The following ITIH6 variants were observed in gnomAD, a reference collection of about 807,000 sequenced individuals.
ITIH6 encodes the protein inter-alpha-trypsin inhibitor heavy chain H6.
ITIH6 carries 60 observed loss-of-function variants against 58.2 expected under a neutral mutation model. The ratio of observed to expected loss-of-function variants is 1.03; its 90% confidence interval spans 0.84 to 1.28. ITIH6 has a LOEUF of 1.28. Among genes scored for constraint, ITIH6 ranks in the 50% most tolerant of loss-of-function variants. The probability of loss-of-function intolerance (pLI) is 0.00; values close to 1 mark genes in which losing one functional copy is unlikely to be tolerated. For synonymous variants in ITIH6, 493 were observed against 417.4 expected, an observed-to-expected ratio of 1.18 and a Z score of -2.21; for missense variants, 1,290 against 1,021.1, an observed-to-expected ratio of 1.26 and a Z score of -3.59.
intron 6 of ITIH6, 22 bp downstream of exon 6, chrX:54,774,059 A>C (rs1484428221): frequency 1.0e-6 from 1 of 990,728 alleles, no homozygotes; most frequent in Admixed American, 2.6e-5. Context: ...GGACTAAGAA[A>C]GGTTTCCAGG....
intron 6 of ITIH6, among the ~76,000 whole-genome samples, chrX:54,763,009 G>T (rs1262638896): frequency 8.9e-6 from 1 of 112,126 alleles, no homozygotes; most frequent in East Asian, 2.8e-4. Flanking sequence ...ACTCAGAGAG[G>T]TGGGTGCTTG....
chrX:54,759,506 C>A (rs1174657739), intron 7 of ITIH6, among the ~76,000 whole-genome samples: 1 of 112,105 alleles, frequency 8.9e-6, no homozygotes, highest in African/African-American at 3.2e-5. Context: ...CAAGTGTTTG[C>A]TTTAAAGAAG....
At chrX:54,768,248 A>AT (rs1216412465) in intron 6 of ITIH6, among the ~76,000 whole-genome samples, 2 of 48,882 alleles carry the variant, frequency 4.1e-5, no homozygotes, top group African/African-American at 2.1e-4. Context: ...TGCTTGGTAG[A>AT]TCTTCCTCCA....
chrX:54,797,157 A>G, intron 1 of ITIH6, 61 bp from the exon 2 acceptor site: 9 of 1,033,500 alleles, frequency 8.7e-6, no homozygotes, highest in Non-Finnish European at 1.3e-6. Context: ...TAGATGGGCT[A>G]GTCTTTGGGA....
At chrX:54,752,117 A>G (rs1928375484) in intron 11 of ITIH6, among the ~76,000 whole-genome samples, 1 of 111,695 alleles carries the variant, frequency 9.0e-6, no homozygotes, top group Non-Finnish European at 1.9e-5. Flanking sequence ...CAAAATATGT[A>G]CACCATGGTG....
rs756326032 is a variant in ITIH6 at position 54,749,903 on chromosome X, C to T, written c.3934G>A (p.Val1312Ile). ...LLLGHPYLSY[V>I]L ...CTGGAATTCAGAAGCCATCACAGGA[C>T]ATAGGAGAGGTAGGGGTGGCCCAGA... Residue 1312 changes from valine (V) to isoleucine (I), a missense_variant, in exon 13 of 13, where the codon GTC becomes ATC. Val to Ile is a conservative substitution (Grantham distance 29). Transcript: ENST00000218436. The T allele has an allele frequency of 1.3e-5, 16 of 1,207,276 alleles. No individual in the cohort carries two copies. In the South Asian group the frequency reaches 1.4e-4, roughly 11 times the overall value.
At chrX:54,789,872 A>G (rs1929311369) in intron 4 of ITIH6, among the ~76,000 whole-genome samples, 1 of 112,135 alleles carries the variant, frequency 8.9e-6, no homozygotes, top group South Asian at 3.7e-4. Context: ...AAAGTCTCAC[A>G]GTGGTCCTGA....
intron 6 of ITIH6, among the ~76,000 whole-genome samples, chrX:54,769,004 T>C (rs1375993267): frequency 9.2e-6 from 1 of 108,495 alleles, no homozygotes; most frequent in East Asian, 2.9e-4. Context: ...TCCCCACCAC[T>C]TTCAGGTACA....
At position 54,749,851 on chromosome X, in the gene ITIH6, G is replaced by A. The variant is rs1928314994; in HGVS notation, c.*44C>T. 8.9e-7 allele frequency: 1 copy of A among 1,122,834 alleles called. No homozygotes were observed. Among genetic ancestry groups the A allele is most frequent in the Non-Finnish European group, 1.2e-6 (1 of 829,967 alleles). The allele number at this position is 1,122,834 out of a possible 1,213,427, so 92.5% of individuals were successfully genotyped here. ...GGCTCACCCCATGCCCTGGTTTCTG[G>A]ATCTCCCAAATTCAGGTCTCCTGGC... is the stretch of plus-strand genomic sequence containing the variant. On this transcript the variant is annotated 3_prime_UTR_variant, in exon 13 of 13. Transcript: ENST00000218436.
chrX:54,797,562 A>G (rs1025984751), intron 1 of ITIH6, among the ~76,000 whole-genome samples: 1 of 112,194 alleles, frequency 8.9e-6, no homozygotes, highest in Non-Finnish European at 1.9e-5. Flanking sequence ...TGTCCAAGGC[A>G]CTGTGATAAA....
At chrX:54,769,672 C>G (rs1336680756) in intron 6 of ITIH6, among the ~76,000 whole-genome samples, 5 of 98,404 alleles carry the variant, frequency 5.1e-5, no homozygotes, top group Non-Finnish European at 8.2e-5. Flanking sequence ...CTGGGGGGTG[C>G]CTCCCAGTTA....
In ITIH6 at chrX:54,794,413, C is replaced by A. The variant is rs776686420; in HGVS notation, c.258-2377G>T. On this transcript the variant is annotated intron_variant, in intron 2 of 12. Coordinates refer to ENST00000218436, the MANE Select transcript of ITIH6 (RefSeq NM_198510.3). Reference sequence around the variant, plus strand: ...ACTTGGCCCTTACATCATTTGACTGCCAGCTTCTCTGGTTAGCCCCCCATA... The same window carrying A: ...ACTTGGCCCTTACATCATTTGACTGACAGCTTCTCTGGTTAGCCCCCCATA... Among the ~76,000 whole-genome samples, 3 of 111,459 alleles carry A rather than the reference C, an allele frequency of 2.7e-5. No homozygotes were observed. The South Asian group carries it at 1.2e-3, about 43-fold the overall frequency.
chrX:54,789,792 C>A (rs1929310045), intron 4 of ITIH6, among the ~76,000 whole-genome samples: 1 of 112,760 alleles, frequency 8.9e-6, no homozygotes, highest in Admixed American at 9.4e-5. Context: ...TGAGTGCCAC[C>A]TAATGCTAAT....
At chrX:54,763,172 C>T (rs185050911) in intron 6 of ITIH6, among the ~76,000 whole-genome samples, 100 of 112,107 alleles carry the variant, frequency 8.9e-4, no homozygotes, top group Middle Eastern at 4.6e-3. Flanking sequence ...TTGAGACCCA[C>T]CTTTCTCTAT....
rs757873290 is a variant in ITIH6 at position 54,751,245 on chromosome X, GA to G, written c.3487del (p.Ser1163LeufsTer20). The part of the protein sequence containing the change: ...RAYTITISRS[S>X]ISLRGEGTLR... ...GGTACCCTCGCCTCGCAAAGATATA[GA>G]ACTGCGGCTGATGGTGATAGTATAG... On this transcript the variant is annotated frameshift_variant, in exon 12 of 13. Transcript: ENST00000218436. LOFTEE classifies it high-confidence loss of function. The G allele has an allele frequency of 8.3e-6, 10 of 1,210,277 alleles. No individual in the cohort carries two copies. The highest frequency in any genetic ancestry group is 3.4e-6 in the Non-Finnish European group (3 of 895,259).
chrX:54,776,484 T>C (rs1929055790), intron 5 of ITIH6, among the ~76,000 whole-genome samples: 1 of 108,992 alleles, frequency 9.2e-6, no homozygotes, highest in Non-Finnish European at 1.9e-5. Context: ...AGTGCTAGCA[T>C]CACCCCTCCT....
At chrX:54,773,416 T>C (rs1928991825) in intron 6 of ITIH6, among the ~76,000 whole-genome samples, 1 of 111,321 alleles carries the variant, frequency 9.0e-6, no homozygotes, top group Non-Finnish European at 1.9e-5. Context: ...AACTCAGCCT[T>C]AGGTCCCAAA....
chrX:54,750,215 G>A lies in ITIH6; in HGVS notation c.3731-109C>T, dbSNP rs944646081. On this transcript the variant is annotated intron_variant, in intron 12 of 12. Transcript: ENST00000218436. Reference sequence around the variant, plus strand: ...CAGAGGGATTTAAAGGAGGAAGAAGGAGGGGCAGCAAAAGACCAGAGGGAA... The same window carrying A: ...CAGAGGGATTTAAAGGAGGAAGAAGAAGGGGCAGCAAAAGACCAGAGGGAA... The A allele has an allele frequency of 1.2e-5, 7 of 600,120 alleles. No individual in the cohort carries two copies. The African/African-American group carries it at 1.6e-4, about 14-fold the overall frequency. The allele number at this position is 600,120 out of a possible 1,213,427, so 49.5% of individuals were successfully genotyped here. A position where few individuals can be genotyped will look rare whatever the true frequency, so the allele number is the denominator to read the frequency against.
rs1602068161 is a variant in ITIH6, at chrX:54,792,585, G to T, written c.258-549C>A. The stretch of plus-strand genomic sequence containing the variant: ...ATATATTAAGTAAATACTGTGGGTG[G>T]TAAAAGTGGTAAAAATTGTGAAAGA... On this transcript the variant is annotated intron_variant, in intron 2 of 12. Transcript: ENST00000218436. Among the ~76,000 whole-genome samples, 3 of 110,956 alleles carry T rather than the reference G, an allele frequency of 2.7e-5. No individual in the cohort carries two copies. The South Asian group carries it at 1.2e-3, about 43-fold the overall frequency.
Sources: gnomAD v4.1 joint callset for allele counts (sites outside exome capture counted in the v4.1 genomes callset) on GRCh38, gnomAD v4.1.1 for gene constraint, MANE v1.5 for transcripts, NCBI Gene and HGNC (gene_info 2026-07-23, HGNC 2026-07-21) for gene names.